Variants in WDR4 observed in about 807,000 individuals in gnomAD.
WDR4 encodes the protein WDR4 tRNA N7-guanosine methyltransferase non-catalytic subunit, also known as tRNA (guanine-N(7)-)-methyltransferase non-catalytic subunit WDR4.
In WDR4, 47 loss-of-function variants were observed where a neutral mutation model predicts 48.6. The observed-to-expected ratio is 0.97, with a 90% CI of 0.77 to 1.23. The LOEUF is 1.23. WDR4 is among the 50% of genes most tolerant of loss of function. The probability of loss-of-function intolerance (pLI) is 0.00; values close to 1 mark genes in which losing one functional copy is unlikely to be tolerated. For missense variants in WDR4, 606 were observed against 551.6 expected (o/e 1.10, Z -0.99); for synonymous variants, 268 against 230.0 (o/e 1.17, Z -1.49).
At chr21:42,871,378 CAA>C (rs1476688231) in intron 3 of WDR4, among the ~76,000 whole-genome samples, 3 of 152,332 alleles carry the variant, frequency 2.0e-5, no homozygotes, top group African/African-American at 7.2e-5. Flanking sequence ...CCAAGAAACC[CAA>C]AGTCAAGGCC....
chr21:42,879,715 C>T, upstream of WDR4: 2 of 548,658 alleles, frequency 3.6e-6, no homozygotes, highest in South Asian at 2.4e-5. Flanking sequence ...GCAGTTCACT[C>T]ACCAAGGTGA....
At chr21:42,878,949 GGAGGTCAGT>G in intron 1 of WDR4, 4 of 989,794 alleles carry the variant, frequency 4.0e-6, no homozygotes, top group Non-Finnish European at 4.8e-6. Context: ...GAGCGCGCTT[GGAGGTCAGT>G]GAGCTCGCAG....
intron 3 of WDR4, among the ~76,000 whole-genome samples, chr21:42,866,042 G>A (rs2058238058): frequency 6.6e-6 from 1 of 152,156 alleles, no homozygotes; most frequent in South Asian, 2.1e-4. Context: ...TGGTTCTCTG[G>A]CTCTGCCTTT....
chr21:42,876,855 G>A (rs1282103110), intron 1 of WDR4, 88 bp from the exon 2 acceptor site: 10 of 1,230,898 alleles, frequency 8.1e-6, no homozygotes, highest in Admixed American at 2.3e-5. Context: ...TTTCGCTCTC[G>A]TTGTCCAGGC....
chr21:42,859,189 G>A (rs1397286166), intron 6 of WDR4, among the ~76,000 whole-genome samples: 1 of 151,880 alleles, frequency 6.6e-6, no homozygotes, highest in South Asian at 2.1e-4. Flanking sequence ...CAAGGAGGCA[G>A]ATCGCTTGAG....
At chr21:42,877,559 A>C (rs1208278700) in intron 1 of WDR4, among the ~76,000 whole-genome samples, 2 of 152,170 alleles carry the variant, frequency 1.3e-5, no homozygotes, top group African/African-American at 4.8e-5. Flanking sequence ...TATACTTGAC[A>C]AGAAAACTGT....
rs2057762291 is a variant in WDR4 at position 42,849,512 on chromosome 21, T to A, written c.*537A>T. 1.3e-5 allele frequency: 2 copies of A among 152,474 alleles called. No individual in the cohort carries two copies. Among genetic ancestry groups the A allele is most frequent in the Non-Finnish European group, 2.9e-5 (2 of 68,236 alleles). The allele number at this position is 152,474 out of a possible 1,614,324, so 9.4% of individuals were successfully genotyped here. A position where few individuals can be genotyped will look rare whatever the true frequency, so the allele number is the denominator to read the frequency against. ...TTCTCACTTCCCACAAGGGAGCCAC[T>A]CTCCAGGAGCAGCTCCTGAGCACAA... On this transcript the variant is annotated 3_prime_UTR_variant, in exon 11 of 11. Coordinates refer to ENST00000398208, the MANE Select transcript of WDR4 (RefSeq NM_018669.6).
rs765182735 is a variant in WDR4, at chr21:42,850,110, G to A, written c.1178C>T (p.Pro393Leu). Residue 393 changes from proline to leucine, a missense_variant, in exon 11 of 11, where the codon CCG becomes CTG. Pro to Leu is a moderately conservative substitution (Grantham distance 98). Transcript: ENST00000398208. ...CTTGGCATGCCCGTCGGGCCCAGGC[G>A]GGGGACTCCGGCGCCGCTGCTTCTT... is the stretch of plus-strand genomic sequence containing the variant. ...LEKKQRRRSP[P>L]PGPDGHAKKM... 1.7e-5 allele frequency: 27 copies of A among 1,613,890 alleles called. No individual in the cohort carries two copies. The highest frequency in any genetic ancestry group is 1.6e-4 in the South Asian group (15 of 91,064).
At chr21:42,847,197 A>G (rs2057718306), downstream of WDR4, among the ~76,000 whole-genome samples, 1 of 152,226 alleles carries the variant, frequency 6.6e-6, no homozygotes, top group African/African-American at 2.4e-5. Flanking sequence ...GATGGCAAAC[A>G]GGGTGGCGAC....
At chr21:42,858,718 C>G (rs1203712839) in intron 6 of WDR4, among the ~76,000 whole-genome samples, 1 of 152,104 alleles carries the variant, frequency 6.6e-6, no homozygotes, top group African/African-American at 2.4e-5. Flanking sequence ...TGACCCTGAC[C>G]CTGACCCTCT....
chr21:42,871,819 C>T (rs992275337), intron 3 of WDR4, among the ~76,000 whole-genome samples: 1 of 152,138 alleles, frequency 6.6e-6, no homozygotes, highest in Non-Finnish European at 1.5e-5. Context: ...TACACAAAGA[C>T]ACAAAAACAT....
intron 10 of WDR4, among the ~76,000 whole-genome samples, chr21:42,851,242 T>C (rs2057820556): frequency 6.6e-6 from 1 of 152,202 alleles, no homozygotes; most frequent in Admixed American, 6.5e-5. Context: ...CTGCAGTCCC[T>C]GACACAGCCA....
At chr21:42,845,844 G>C (rs903966487), downstream of WDR4, among the ~76,000 whole-genome samples, 1 of 152,194 alleles carries the variant, frequency 6.6e-6, no homozygotes, top group South Asian at 2.1e-4. Context: ...TCCAGAAGAC[G>C]GGTGCTGGCC....
chr21:42,891,788 C>T, the WDR4 span, among the ~76,000 whole-genome samples: 258 of 151,902 alleles, frequency 1.7e-3, no homozygotes, highest in South Asian at 4.6e-3. Flanking sequence ...GAAACCCCGT[C>T]GCTACTAAAA....
At chr21:42,859,601 A>ACCCCC in intron 6 of WDR4, 61 bp downstream of exon 6, 7 of 382,348 alleles carry the variant, frequency 1.8e-5, no homozygotes, top group Non-Finnish European at 2.6e-5. Flanking sequence ...GGAGGCGCCC[A>ACCCCC]CCCCACCCTC....
chr21:42,873,836 G>T, intron 2 of WDR4, 145 bp from the exon 3 acceptor site: 1 of 926,812 alleles, frequency 1.1e-6, no homozygotes, highest in South Asian at 1.8e-5. Flanking sequence ...CATATTAAAG[G>T]GACATGGGGA....
In WDR4 at chr21:42,876,780, A is replaced by T. The variant is rs373697587; in HGVS notation, c.90-13T>A. 2.1e-5 allele frequency: 34 copies of T among 1,602,634 alleles called. No homozygotes were observed. In the African/African-American group the frequency reaches 3.8e-4, roughly 18 times the overall value. ...GCTGTCATCATCACTAAAGAGAAAT[A>T]ACAATAATTTTAAAAGGAGTTATCA... is the stretch of plus-strand genomic sequence containing the variant. On this transcript the variant is annotated splice_polypyrimidine_tract_variant and intron_variant, in intron 1 of 10. Transcript: ENST00000398208.
intron 10 of WDR4, among the ~76,000 whole-genome samples, chr21:42,851,686 T>A (rs1195778048): frequency 1.3e-5 from 2 of 152,094 alleles, no homozygotes; most frequent in African/African-American, 4.8e-5. Flanking sequence ...TTCGTCCAGC[T>A]CCTCCCTCAG....
chr21:42,863,616 C>T lies in WDR4; in HGVS notation c.297-20G>A. 1 of 1,605,312 alleles carries T rather than the reference C, an allele frequency of 6.2e-7. No homozygotes were observed. The highest frequency in any genetic ancestry group is 8.5e-7 in the Non-Finnish European group (1 of 1,174,094). On this transcript the variant is annotated intron_variant, in intron 3 of 10. Transcript: ENST00000398208. Reference sequence around the variant, plus strand: ...ACGGTCCTAGAAGGCCAGAAAGACACCCCCATTAGCTTCCAGGAGCAGCGC... The same window carrying T: ...ACGGTCCTAGAAGGCCAGAAAGACATCCCCATTAGCTTCCAGGAGCAGCGC...
Sources: gnomAD v4.1 joint callset for allele counts (sites outside exome capture counted in the v4.1 genomes callset) on GRCh38, gnomAD v4.1.1 for gene constraint, MANE v1.5 for transcripts, NCBI Gene and HGNC (gene_info 2026-07-23, HGNC 2026-07-21) for gene names.